CCDC102B: variants seen among roughly 807,000 people sequenced by gnomAD.
CCDC102B encodes the protein coiled-coil domain-containing protein 102B.
Under a neutral mutation model 57.4 loss-of-function variants are expected in CCDC102B, and 75 were observed. The observed-to-expected ratio is 1.31, with a 90% CI of 1.08 to 1.58. The LOEUF (loss-of-function observed/expected upper bound fraction) is 1.58. CCDC102B is among the 40% of genes most tolerant of loss of function. CCDC102B has a pLI of 0.00. For synonymous variants in CCDC102B, 206 were observed against 201.9 expected (o/e 1.02, Z -0.17); for missense variants, 636 against 582.6 (o/e 1.09, Z -0.94).
intron 6 of CCDC102B, among the ~76,000 whole-genome samples, chr18:68,984,609 G>A (rs569662513): frequency 6.8e-4 from 104 of 152,142 alleles, no homozygotes; most frequent in African/African-American, 1.6e-3. Flanking sequence ...CACAACAGGC[G>A]ACCTTTAGAA....
intron 4 of CCDC102B, among the ~76,000 whole-genome samples, chr18:68,870,969 T>TA (rs2039217845): frequency 6.6e-6 from 1 of 152,216 alleles, no homozygotes; most frequent in South Asian, 2.1e-4. Flanking sequence ...TTTTGTTTCT[T>TA]AGACATCGTC....
chr18:68,848,924 A>T (rs1421661918), intron 4 of CCDC102B, among the ~76,000 whole-genome samples: 3 of 152,174 alleles, frequency 2.0e-5, no homozygotes, highest in African/African-American at 4.8e-5. Context: ...AAAAATTTTT[A>T]AAAAGTAACT....
chr18:68,792,218 T>G (rs2144663243), intron 2 of CCDC102B, among the ~76,000 whole-genome samples: 1 of 152,298 alleles, frequency 6.6e-6, no homozygotes, highest in Admixed American at 6.5e-5. Context: ...AAGCAAATAT[T>G]TATTTCTAGG....
At chr18:68,750,733 G>T (rs1003444677) in intron 2 of CCDC102B, among the ~76,000 whole-genome samples, 1 of 149,362 alleles carries the variant, frequency 6.7e-6, no homozygotes, top group Non-Finnish European at 1.5e-5. Context: ...CTCACTCATA[G>T]GTGGGAATTG....
intron 4 of CCDC102B, among the ~76,000 whole-genome samples, chr18:68,864,551 G>T (rs185942848): frequency 6.6e-6 from 1 of 151,634 alleles, no homozygotes; most frequent in Non-Finnish European, 1.5e-5. Flanking sequence ...ATTATTTATT[G>T]TTTTAATAAT....
downstream of CCDC102B, among the ~76,000 whole-genome samples, chr18:69,055,360 T>G (rs2145508753): frequency 6.6e-6 from 1 of 152,180 alleles, no homozygotes. Context: ...ATGAAATCTA[T>G]CTTGTCGCTG....
intron 2 of CCDC102B, among the ~76,000 whole-genome samples, chr18:68,789,861 C>T (rs1416539095): frequency 1.3e-5 from 2 of 151,796 alleles, no homozygotes; most frequent in East Asian, 1.9e-4. Context: ...AGCTTTGTTC[C>T]GTTGCTGGTG....
intron 7 of CCDC102B, among the ~76,000 whole-genome samples, chr18:69,016,079 G>T (rs1172584999): frequency 2.0e-5 from 3 of 149,940 alleles, no homozygotes; most frequent in Admixed American, 2.0e-4. Flanking sequence ...TAGCCAGGAT[G>T]GTCTCGATCT....
intron 2 of CCDC102B, among the ~76,000 whole-genome samples, chr18:68,743,453 G>A (rs2033488439): frequency 6.6e-6 from 1 of 152,022 alleles, no homozygotes; most frequent in Non-Finnish European, 1.5e-5. Flanking sequence ...AAACTCCCTT[G>A]CATCTCTGTC....
At chr18:68,865,132 T>G (rs1237819205) in intron 4 of CCDC102B, among the ~76,000 whole-genome samples, 4 of 152,092 alleles carry the variant, frequency 2.6e-5, no homozygotes, top group African/African-American at 9.7e-5. Context: ...CACTCACAAA[T>G]CAGGTTGTGT....
intron 1 of CCDC102B, among the ~76,000 whole-genome samples, chr18:68,828,556 T>A (rs1291945644): frequency 6.6e-6 from 1 of 151,546 alleles, no homozygotes; most frequent in East Asian, 1.9e-4. Flanking sequence ...AAAATGCTAA[T>A]GTCAAATATT....
rs2052147105 is a variant in CCDC102B at position 69,031,588 on chromosome 18, C to G, written c.1434+20484C>G. ...TTAATCAATTAAACACAATTATTTA[C>G]TGGCTTTAAATATTACATTTGTTAC... On this transcript the variant is annotated intron_variant, in intron 7 of 7. Coordinates refer to ENST00000360242, the MANE Select transcript of CCDC102B (RefSeq NM_024781.3). Among the ~76,000 whole-genome samples, 3 of 152,000 alleles carry G rather than the reference C, an allele frequency of 2.0e-5. No homozygotes were observed. The South Asian group carries it at 6.2e-4, about 32-fold the overall frequency.
intron 2 of CCDC102B, among the ~76,000 whole-genome samples, chr18:68,726,271 G>C (rs541193597): frequency 9.2e-5 from 14 of 152,148 alleles, no homozygotes; most frequent in African/African-American, 3.4e-4. Flanking sequence ...GTACTAATTG[G>C]ATATGAAAAA....
chr18:68,919,914 T>A (rs1050523888), intron 6 of CCDC102B, among the ~76,000 whole-genome samples: 2 of 152,174 alleles, frequency 1.3e-5, no homozygotes, highest in Admixed American at 1.3e-4. Flanking sequence ...AAATTTTAGT[T>A]CAGTTTTATC....
At chr18:68,956,362 T>TATGTATA (rs2049857147) in intron 6 of CCDC102B, among the ~76,000 whole-genome samples, 1 of 48,784 alleles carries the variant, frequency 2.0e-5, no homozygotes, top group Non-Finnish European at 4.3e-5. Flanking sequence ...ATATATATAA[T>TATGTATA]ATATATATAA....
At chr18:68,962,890 G>A (rs1690663303) in intron 6 of CCDC102B, among the ~76,000 whole-genome samples, 1 of 151,864 alleles carries the variant, frequency 6.6e-6, no homozygotes, top group Non-Finnish European at 1.5e-5. Context: ...TGAATCAAAT[G>A]CATTTCACGA....
intron 6 of CCDC102B, among the ~76,000 whole-genome samples, chr18:68,934,310 C>A (rs1350364045): frequency 6.6e-6 from 1 of 151,840 alleles, no homozygotes; most frequent in East Asian, 1.9e-4. Context: ...GATTTAGCTC[C>A]TTTCATTACC....
chr18:68,969,819 C>T (rs2050257439), intron 6 of CCDC102B, among the ~76,000 whole-genome samples: 1 of 151,688 alleles, frequency 6.6e-6, no homozygotes, highest in Admixed American at 6.6e-5. Flanking sequence ...ATGAATTTAT[C>T]CTTGTTTTTA....
chr18:68,848,897 A>C (rs961438141), intron 4 of CCDC102B, among the ~76,000 whole-genome samples: 4 of 152,130 alleles, frequency 2.6e-5, no homozygotes, highest in African/African-American at 9.7e-5. Flanking sequence ...TAACATTTAA[A>C]AATTAGTCTC....
Sources: allele counts gnomAD v4.1 joint callset (sites outside exome capture counted in the v4.1 genomes callset), GRCh38; gene constraint gnomAD v4.1.1; transcripts MANE v1.5; gene names NCBI Gene and HGNC (gene_info 2026-07-23, HGNC 2026-07-21).